CPEB3: variants seen among roughly 807,000 people sequenced by gnomAD.
CPEB3 encodes the protein cytoplasmic polyadenylation element-binding protein 3.
Under a neutral mutation model 67.2 loss-of-function variants are expected in CPEB3, and 20 were observed. That is an observed-to-expected ratio of 0.30 (90% CI 0.21 to 0.43). CPEB3 has a LOEUF of 0.43. CPEB3 is among the 20% of genes least tolerant of loss of function. The pLI is 1.00. For synonymous variants in CPEB3, 376 were observed against 393.1 expected (o/e 0.96, Z 0.51); for missense variants, 746 against 968.6 (o/e 0.77, Z 3.05).
In CPEB3 at chr10:92,176,191, A is replaced by C. The variant is rs1313529074; in HGVS notation, c.1222+4772T>G. On this transcript the variant is annotated intron_variant, in intron 4 of 9. Transcript: ENST00000265997. Reference sequence around the variant, plus strand: ...AATGTAAACAATGTGAGATAAACTTATATTTTTGAAACTAATATGTAAAGA... The same window carrying C: ...AATGTAAACAATGTGAGATAAACTTCTATTTTTGAAACTAATATGTAAAGA... Among the ~76,000 whole-genome samples, 3 of 152,244 alleles carry C rather than the reference A, an allele frequency of 2.0e-5. 1 individual carries two copies. The East Asian group carries it at 5.8e-4, about 29-fold the overall frequency.
At chr10:92,123,118 AT>A (rs1451908056) in intron 6 of CPEB3, among the ~76,000 whole-genome samples, 1 of 152,188 alleles carries the variant, frequency 6.6e-6, no homozygotes, top group Non-Finnish European at 1.5e-5. Context: ...AGAGTTCAAA[AT>A]TGGTAATCTA....
chr10:92,133,437 TGGA>T (rs1845939185), intron 6 of CPEB3, among the ~76,000 whole-genome samples: 1 of 152,224 alleles, frequency 6.6e-6, no homozygotes, highest in Admixed American at 6.5e-5. Flanking sequence ...GGTAAATTCC[TGGA>T]CACATACACC....
At chr10:92,086,516 C>T (rs373221557) in intron 8 of CPEB3, among the ~76,000 whole-genome samples, 3 of 152,282 alleles carry the variant, frequency 2.0e-5, no homozygotes, top group Non-Finnish European at 2.9e-5. Context: ...ATCTTTCTTT[C>T]GACCTGAGAA....
At chr10:92,069,003 A>T (rs1168390092) in intron 9 of CPEB3, among the ~76,000 whole-genome samples, 1 of 152,170 alleles carries the variant, frequency 6.6e-6, no homozygotes, top group Non-Finnish European at 1.5e-5. Flanking sequence ...GACCACTAAG[A>T]GCAGCAAGAT....
intron 4 of CPEB3, among the ~76,000 whole-genome samples, chr10:92,174,872 A>G (rs36074704): frequency 0.1 from 15,512 of 152,214 alleles, 1,106 homozygotes; most frequent in Non-Finnish European, 0.14. Context: ...CTTCAAAAAA[A>G]GAAAAATTAA....
intron 1 of CPEB3, among the ~76,000 whole-genome samples, chr10:92,271,626 G>A (rs575304840): frequency 5.3e-5 from 8 of 152,202 alleles, no homozygotes; most frequent in South Asian, 2.1e-4. Context: ...GTGATGTTGC[G>A]TCCTTCTCAG....
chr10:92,284,890 T>C (rs1238067962), intron 1 of CPEB3, among the ~76,000 whole-genome samples: 2 of 152,212 alleles, frequency 1.3e-5, no homozygotes, highest in African/African-American at 2.4e-5. Flanking sequence ...TTTTTAACTA[T>C]TCTCCCGATT....
intron 4 of CPEB3, among the ~76,000 whole-genome samples, chr10:92,147,607 T>C (rs1023484141): frequency 6.6e-6 from 1 of 152,058 alleles, no homozygotes; most frequent in Admixed American, 6.6e-5. Context: ...GGAATCACAG[T>C]CTGGTGGGGG....
intron 7 of CPEB3, 139 bp from the exon 8 acceptor site, chr10:92,092,083 G>A (rs1162229452): frequency 3.7e-5 from 24 of 655,932 alleles, no homozygotes; most frequent in Non-Finnish European, 5.5e-5. Context: ...ATTAGTTAAC[G>A]TAATCTGCAT....
rs183240291 is a variant in CPEB3 at position 92,275,815 on chromosome 10, T to A, written c.-12+15111A>T. On this transcript the variant is annotated intron_variant, in intron 1 of 9. Transcript: ENST00000265997. ...AAAATGTTTTCAAGGTTCATCCATG[T>A]TATAGCATGTATCAGTACTTCATTC... is the stretch of plus-strand genomic sequence containing the variant. Among the ~76,000 whole-genome samples, 3 of 151,976 alleles carry A rather than the reference T, an allele frequency of 2.0e-5. No homozygotes were observed. In the East Asian group the frequency reaches 5.8e-4, roughly 29 times the overall value.
intron 4 of CPEB3, among the ~76,000 whole-genome samples, chr10:92,148,752 C>T (rs1846812684): frequency 1.3e-5 from 2 of 152,128 alleles, no homozygotes; most frequent in Admixed American, 1.3e-4. Context: ...AAACACAATA[C>T]ACAGGTGTGA....
At position 92,052,362 on chromosome 10, in the gene CPEB3, G is replaced by A. The variant is rs750874591; in HGVS notation, c.1947C>T (p.Ala649=). ...AGGTGACGTTGGCACAGAAGAACGG[G>A]GCAAACTTCCCACCACAGCGTGTGC... The part of the protein sequence containing the change: ...CQGTRCGGKF[A]PFFCANVTCL... Residue 649 remains alanine, a synonymous_variant, in exon 10 of 10, where the codon GCC becomes GCT. Transcript: ENST00000265997. 1 of 1,614,086 alleles carries A rather than the reference G, an allele frequency of 6.2e-7. No individual in the cohort carries two copies. The highest frequency in any genetic ancestry group is 2.2e-5 in the East Asian group (1 of 44,898).
chr10:92,192,573 T>C lies in CPEB3; in HGVS notation c.1069A>G (p.Ile357Val). The C allele has an allele frequency of 6.2e-7, 1 of 1,613,262 alleles. No homozygotes were observed. The highest frequency in any genetic ancestry group is 8.5e-7 in the Non-Finnish European group (1 of 1,179,218). Residue 357 changes from isoleucine to valine, a missense_variant, in exon 3 of 10, where the codon ATA becomes GTA. This residue lies in a region of CPEB3 where 643 missense variants were observed against 717.5 expected (regional missense o/e 0.90). Transcript: ENST00000265997. ...TTCAGAGGTTCATGATCAGTCCTTA[T>C]CATATCCATTAAGGAGTTCTCCAAC... is the stretch of plus-strand genomic sequence containing the variant. ...HSLENSLMDM[I>V]RTDHEPLKGK... is the part of the protein sequence containing the mutation.
chr10:92,049,995 T>G lies in CPEB3; in HGVS notation c.*2217A>C, dbSNP rs1185946436. ...TAAACTTACTTAGAAAATATCATTT[T>G]CTTTCCTATATTTCAAAATTGAGGT... On this transcript the variant is annotated 3_prime_UTR_variant, in exon 10 of 10. Transcript: ENST00000265997. The G allele has an allele frequency of 2.0e-5, 3 of 152,504 alleles. No homozygotes were observed. Among genetic ancestry groups the G allele is most frequent in the African/African-American group, 4.8e-5 (2 of 41,458 alleles). The allele number at this position is 152,504 out of a possible 1,614,324, so 9.4% of individuals were successfully genotyped here.
chr10:92,094,847 G>C (rs1262070467), intron 7 of CPEB3, among the ~76,000 whole-genome samples: 1 of 149,680 alleles, frequency 6.7e-6, no homozygotes, highest in African/African-American at 2.5e-5. Flanking sequence ...ACACAGAGAT[G>C]TATCTTTTTC....
intron 7 of CPEB3, among the ~76,000 whole-genome samples, chr10:92,103,011 C>T (rs1001072478): frequency 2.0e-5 from 3 of 152,166 alleles, no homozygotes; most frequent in Non-Finnish European, 2.9e-5. Context: ...GCTCTGTGCA[C>T]GTTTGGTGTG....
intron 2 of CPEB3, among the ~76,000 whole-genome samples, chr10:92,212,932 T>C (rs1397143078): frequency 6.6e-6 from 1 of 152,072 alleles, no homozygotes; most frequent in African/African-American, 2.4e-5. Flanking sequence ...TTTAAAAAAT[T>C]TCAAGTGTTT....
At chr10:92,161,956 C>T (rs772868742) in intron 4 of CPEB3, among the ~76,000 whole-genome samples, 9 of 152,160 alleles carry the variant, frequency 5.9e-5, no homozygotes, top group African/African-American at 9.7e-5. Context: ...CCACTGCGCC[C>T]GGCTGACTCC....
At chr10:92,074,094 AT>A (rs72419060) in intron 9 of CPEB3, among the ~76,000 whole-genome samples, 1 of 150,994 alleles carries the variant, frequency 6.6e-6, no homozygotes, top group Non-Finnish European at 1.5e-5. Flanking sequence ...CTTTTTAACT[AT>A]TTTTTTTTAA....
Sources: allele counts gnomAD v4.1 joint callset (sites outside exome capture counted in the v4.1 genomes callset), GRCh38; gene constraint gnomAD v4.1.1; regional missense constraint gnomAD v4.1.1; transcripts MANE v1.5; gene names NCBI Gene and HGNC (gene_info 2026-07-23, HGNC 2026-07-21).